CD47: variants seen among roughly 807,000 people sequenced by gnomAD.
CD47 encodes the protein CD47 molecule.
Under a neutral mutation model 44.6 loss-of-function variants are expected in CD47, and 11 were observed. The ratio of observed to expected loss-of-function variants is 0.25; its 90% CI spans 0.16 to 0.41. The LOEUF (loss-of-function observed/expected upper bound fraction) is 0.41, where lower values mean the gene tolerates loss of function less well. Among genes scored for constraint, CD47 ranks in the 10% least tolerant of loss-of-function variants. The pLI is 1.00. For missense variants in CD47, 306 were observed against 386.7 expected (o/e 0.79, Z 1.75); for synonymous variants, 140 against 136.3 (o/e 1.03, Z -0.19).
At chr3:108,079,266 CA>C (rs1330809873) in intron 2 of CD47, among the ~76,000 whole-genome samples, 1 of 151,896 alleles carries the variant, frequency 6.6e-6, no homozygotes, top group Non-Finnish European at 1.5e-5. Context: ...CAGCAGGAAA[CA>C]GCAAGGAGAG....
At chr3:108,067,680 G>A (rs2079127806) in intron 3 of CD47, among the ~76,000 whole-genome samples, 1 of 152,198 alleles carries the variant, frequency 6.6e-6, no homozygotes, top group South Asian at 2.1e-4. Flanking sequence ...GCTAAGCATA[G>A]AGATTCTGCT....
At chr3:108,086,266 C>T (rs1488978220) in intron 1 of CD47, among the ~76,000 whole-genome samples, 2 of 150,040 alleles carry the variant, frequency 1.3e-5, no homozygotes, top group African/African-American at 4.9e-5. Context: ...AAAAAAAAAA[C>T]ATTGACAGCA....
intron 1 of CD47, among the ~76,000 whole-genome samples, chr3:108,080,749 T>C (rs1577014836): frequency 1.3e-5 from 2 of 151,818 alleles, no homozygotes; most frequent in Admixed American, 6.6e-5. Context: ...AAACCAAATA[T>C]TTTATTCAGT....
chr3:108,049,094 ATCTCTCTCTCTCTCTCTCTC>A (rs55708779), intron 10 of CD47, among the ~76,000 whole-genome samples: 112 of 129,368 alleles, frequency 8.7e-4, no homozygotes, highest in East Asian at 3.5e-3. Flanking sequence ...AGGACGAAAC[ATCTCTCTCTCTCTCTCTCTC>A]TCTCTCTCTC....
intron 7 of CD47, chr3:108,053,761 C>T (rs2078868104): frequency 6.6e-6 from 1 of 152,220 alleles, no homozygotes; most frequent in Admixed American, 6.5e-5. Context: ...AAATAGGCCT[C>T]CCTTACTGTG....
intron 1 of CD47, 78 bp downstream of exon 1, chr3:108,090,785 G>T: frequency 1.5e-6 from 2 of 1,321,072 alleles, no homozygotes; most frequent in South Asian, 1.6e-5. Context: ...GCGCCGCCGG[G>T]CTGGCTGGGG....
At chr3:108,047,317 T>A (rs2108215032) in intron 10 of CD47, 25 bp from the exon 11 acceptor site, 2 of 1,583,154 alleles carry the variant, frequency 1.3e-6, no homozygotes, top group Non-Finnish European at 1.7e-6. Flanking sequence ...AATGAACACA[T>A]AATCACTATT....
chr3:108,062,424 T>C (rs1383628297), intron 3 of CD47, among the ~76,000 whole-genome samples: 2 of 152,140 alleles, frequency 1.3e-5, no homozygotes, highest in Non-Finnish European at 2.9e-5. Context: ...TATTGTTATC[T>C]AAATAGAGCT....
intron 7 of CD47, among the ~76,000 whole-genome samples, chr3:108,056,836 A>G (rs1209316699): frequency 6.6e-6 from 1 of 152,176 alleles, no homozygotes; most frequent in Non-Finnish European, 1.5e-5. Flanking sequence ...GAAACAATGA[A>G]GTAAATTCCA....
At chr3:108,089,127 T>A (rs1419286384) in intron 1 of CD47, among the ~76,000 whole-genome samples, 1 of 152,208 alleles carries the variant, frequency 6.6e-6, no homozygotes, top group African/African-American at 2.4e-5. Context: ...ATTAAACACA[T>A]ACAAAAACAT....
intron 10 of CD47, among the ~76,000 whole-genome samples, chr3:108,048,032 C>A (rs1293680706): frequency 6.6e-6 from 1 of 151,664 alleles, no homozygotes; most frequent in East Asian, 1.9e-4. Context: ...ACAATGACAC[C>A]ACCAAGGAAA....
At chr3:108,069,721 C>G (rs1577004246) in intron 3 of CD47, among the ~76,000 whole-genome samples, 1 of 151,944 alleles carries the variant, frequency 6.6e-6, no homozygotes. Flanking sequence ...AAGCCAAACT[C>G]AAAAAATCGC....
intron 3 of CD47, among the ~76,000 whole-genome samples, chr3:108,068,384 T>C (rs1358189780): frequency 1.3e-5 from 2 of 152,120 alleles, no homozygotes; most frequent in African/African-American, 2.4e-5. Context: ...ATTTCAGGCA[T>C]GTAGCTTGGT....
intron 2 of CD47, among the ~76,000 whole-genome samples, chr3:108,077,693 C>T (rs142151613): frequency 4.6e-5 from 7 of 151,960 alleles, no homozygotes; most frequent in South Asian, 2.1e-4. Flanking sequence ...TATATTCATA[C>T]TATGGACTAC....
At chr3:108,048,495 C>T (rs1235956587) in intron 10 of CD47, among the ~76,000 whole-genome samples, 1 of 150,704 alleles carries the variant, frequency 6.6e-6, no homozygotes. Flanking sequence ...CGCCATTCTC[C>T]TGCCTCAGCC....
intron 4 of CD47, among the ~76,000 whole-genome samples, chr3:108,059,823 C>G (rs1311609774): frequency 6.6e-6 from 1 of 152,096 alleles, no homozygotes; most frequent in Non-Finnish European, 1.5e-5. Flanking sequence ...TTTACTGTTC[C>G]CTTCATCTGC....
intron 5 of CD47, 48 bp downstream of exon 5, chr3:108,059,404 G>A: frequency 2.1e-6 from 2 of 949,198 alleles, no homozygotes; most frequent in Non-Finnish European, 3.1e-6. Context: ...CTGCTGTTTT[G>A]TAAATGAAAA....
rs538258122 is a variant in CD47, at chr3:108,058,295, C to G, written c.784+42G>C. 4.2e-5 allele frequency: 50 copies of G among 1,198,048 alleles called. 1 individual carries two copies. In the South Asian group the frequency reaches 7.0e-4, roughly 17 times the overall value. The allele number at this position is 1,198,048 out of a possible 1,614,324, so 74.2% of individuals were successfully genotyped here. A position where few individuals can be genotyped will look rare whatever the true frequency, so the allele number is the denominator to read the frequency against. On this transcript the variant is annotated intron_variant, in intron 6 of 10. Transcript: ENST00000361309. Reference sequence around the variant, plus strand: ...AAGAAAAAGGAAGAAGAGCTCTGTCCAAAAGTAACCCAAATTAGGTCTACA... The same window carrying G: ...AAGAAAAAGGAAGAAGAGCTCTGTCGAAAAGTAACCCAAATTAGGTCTACA...
rs1576979184 is a variant in CD47 at position 108,044,864 on chromosome 3, G to A, written c.*2424C>T. ...ACACAATAAATAAAACTGAATGGAA[G>A]AGTCAACAGCAGAAACTGGGATCAG... On this transcript the variant is annotated 3_prime_UTR_variant, in exon 11 of 11. Coordinates refer to ENST00000361309, the MANE Select transcript of CD47 (RefSeq NM_001777.4). The A allele has an allele frequency of 2.0e-5, 3 of 152,768 alleles. No homozygotes were observed. The highest frequency in any genetic ancestry group is 3.9e-4 in the East Asian group (2 of 5,190). The allele number at this position is 152,768 out of a possible 1,614,324, so 9.5% of individuals were successfully genotyped here.
Sources: allele counts gnomAD v4.1 joint callset (sites outside exome capture counted in the v4.1 genomes callset), GRCh38; gene constraint gnomAD v4.1.1; transcripts MANE v1.5; gene names NCBI Gene and HGNC (gene_info 2026-07-23, HGNC 2026-07-21).